PRDM16: variants seen among roughly 807,000 people sequenced by gnomAD.
PRDM16 encodes the protein histone-lysine N-methyltransferase PRDM16.
In PRDM16, 23 loss-of-function variants were observed where a neutral mutation model predicts 110.6. The observed-to-expected ratio is 0.21, with a 90% CI of 0.15 to 0.29. The LOEUF (loss-of-function observed/expected upper bound fraction) is 0.29. PRDM16 is among the 10% of genes least tolerant of loss of function. The pLI, the probability that PRDM16 is intolerant of heterozygous loss-of-function variation, is 1.00. For synonymous variants in PRDM16, 799 were observed against 781.8 expected (o/e 1.02, Z -0.37); for missense variants, 1,615 against 1,794.3 (o/e 0.90, Z 1.81).
intron 2 of PRDM16, among the ~76,000 whole-genome samples, chr1:3,192,802 A>C (rs1238956295): frequency 6.6e-6 from 1 of 152,190 alleles, no homozygotes; most frequent in Non-Finnish European, 1.5e-5. Context: ...ACCCAGAGAC[A>C]GACACACCCG....
At chr1:3,397,010 G>C (rs189422400) in intron 5 of PRDM16, among the ~76,000 whole-genome samples, 3 of 152,138 alleles carry the variant, frequency 2.0e-5, no homozygotes, top group African/African-American at 7.2e-5. Flanking sequence ...TTAAATGAAC[G>C]AACAAACAAA....
chr1:3,215,844 C>T (rs755296742), intron 2 of PRDM16, among the ~76,000 whole-genome samples: 3 of 152,156 alleles, frequency 2.0e-5, no homozygotes, highest in Non-Finnish European at 2.9e-5. Flanking sequence ...CAACAAGGGG[C>T]GCATTCTTCC....
At chr1:3,324,794 G>C (rs556783169) in intron 3 of PRDM16, among the ~76,000 whole-genome samples, 2 of 149,480 alleles carry the variant, frequency 1.3e-5, no homozygotes, top group African/African-American at 5.0e-5. Context: ...TCTCAAACTC[G>C]GCGAGTGAGC....
chr1:3,139,941 T>G (rs1446433081), intron 1 of PRDM16, among the ~76,000 whole-genome samples: 1 of 152,264 alleles, frequency 6.6e-6, no homozygotes, highest in African/African-American at 2.4e-5. Context: ...CCTTGAGCCC[T>G]GACAGCCCAC....
intron 2 of PRDM16, among the ~76,000 whole-genome samples, chr1:3,211,340 G>C (rs1252702611): frequency 1.3e-5 from 2 of 152,186 alleles, no homozygotes; most frequent in East Asian, 3.8e-4. Context: ...AGTCATTTCC[G>C]GGCAGCAGTG....
At chr1:3,170,668 G>T in intron 1 of PRDM16, among the ~76,000 whole-genome samples, 1 of 152,168 alleles carries the variant, frequency 6.6e-6, no homozygotes, top group East Asian at 1.9e-4. Context: ...GAGCCAGCCC[G>T]CCTCTGTGCC....
intron 3 of PRDM16, among the ~76,000 whole-genome samples, chr1:3,262,511 G>T (rs557857920): frequency 1.3e-5 from 2 of 152,326 alleles, no homozygotes; most frequent in South Asian, 4.1e-4. Context: ...GGCGTGGTTG[G>T]CCAGAGCCCC....
intron 3 of PRDM16, among the ~76,000 whole-genome samples, chr1:3,333,056 GTT>G (rs1642076345): frequency 6.6e-6 from 1 of 152,218 alleles, no homozygotes; most frequent in Non-Finnish European, 1.5e-5. Context: ...GAGTGTGCCT[GTT>G]TTTGTCTGAA....
intron 14 of PRDM16, among the ~76,000 whole-genome samples, chr1:3,426,606 ATACACACATG>A (rs1638613719): frequency 1.3e-5 from 2 of 152,218 alleles, no homozygotes; most frequent in African/African-American, 2.4e-5. Flanking sequence ...CTGCACCTTT[ATACACACATG>A]TACACACATA....
intron 2 of PRDM16, among the ~76,000 whole-genome samples, chr1:3,241,337 C>T (rs528246375): frequency 6.6e-6 from 1 of 152,366 alleles, no homozygotes; most frequent in East Asian, 1.9e-4. Context: ...CCACGCTGGG[C>T]TCCGGGGTGA....
intron 3 of PRDM16, among the ~76,000 whole-genome samples, chr1:3,345,646 G>A (rs768583834): frequency 2.6e-5 from 4 of 152,236 alleles, no homozygotes; most frequent in African/African-American, 4.8e-5. Context: ...GGTTCCAAAT[G>A]TGTCACCGGG....
At chr1:3,232,944 T>C (rs532127780) in intron 2 of PRDM16, among the ~76,000 whole-genome samples, 123 of 152,308 alleles carry the variant, frequency 8.1e-4, no homozygotes, top group African/African-American at 2.7e-3. Context: ...TATTAAGAAT[T>C]ACCTTAATAA....
At chr1:3,181,225 TACACACGGTCTTAC>T (rs1644166252) in intron 1 of PRDM16, among the ~76,000 whole-genome samples, 2 of 64,722 alleles carry the variant, frequency 3.1e-5, no homozygotes, top group African/African-American at 4.7e-5. Context: ...CACGCAGTCT[TACACACGGTCTTAC>T]ACACAGTCTT....
Position 3,209,798 on chromosome 1 carries a change from C to T in PRDM16, c.387+23324C>T, listed in dbSNP as rs1416579274. Reference sequence around the variant, plus strand: ...TGAGCACGACAGCCAGGACTTGGTCCAGCGTTTTCCAAACTGGCAGAACCC... The same window carrying T: ...TGAGCACGACAGCCAGGACTTGGTCTAGCGTTTTCCAAACTGGCAGAACCC... On this transcript the variant is annotated intron_variant, in intron 2 of 16. Transcript: ENST00000270722. This position sits in a 1 kb window ranked among gnomAD's most constrained non-coding sequence, Gnocchi z 4.6. 1.3e-5 allele frequency among the ~76,000 whole-genome samples: 2 copies of T among 152,160 alleles called. No individual in the cohort carries two copies. Among genetic ancestry groups the T allele is most frequent in the African/African-American group, 2.4e-5 (1 of 41,446 alleles).
In PRDM16 at chr1:3,437,258, C is replaced by T. The variant is rs1638933148; in HGVS notation, c.*3447C>T. 4.3e-6 allele frequency: 1 copy of T among 232,844 alleles called. No homozygotes were observed. The highest frequency in any genetic ancestry group is 2.2e-5 in the African/African-American group (1 of 45,324). 14.4% of individuals were successfully genotyped at this position (232,844 alleles called of 1,614,324 possible). On this transcript the variant is annotated 3_prime_UTR_variant, in exon 17 of 17. Coordinates refer to ENST00000270722, the MANE Select transcript of PRDM16 (RefSeq NM_022114.4). The stretch of plus-strand genomic sequence containing the variant: ...TCCAGACCCCGACTGGCCAAGACCT[C>T]CACGTCCCCAGAGTCCAGCCCTGGA...
At chr1:3,126,989 G>A (rs1054053281) in intron 1 of PRDM16, among the ~76,000 whole-genome samples, 1 of 152,206 alleles carries the variant, frequency 6.6e-6, no homozygotes, top group East Asian at 1.9e-4. Context: ...CATCGGCCCC[G>A]GACACAATTG....
chr1:3,378,022 G>A (rs777788134), intron 3 of PRDM16, among the ~76,000 whole-genome samples: 8 of 152,210 alleles, frequency 5.3e-5, no homozygotes, highest in Non-Finnish European at 1.0e-4. Flanking sequence ...GCTCCCAGAC[G>A]TGGCTGGATG....
chr1:3,199,911 C>T (rs1638576168), intron 2 of PRDM16, among the ~76,000 whole-genome samples: 1 of 152,248 alleles, frequency 6.6e-6, no homozygotes, highest in South Asian at 2.1e-4. Flanking sequence ...GACAGCTGTG[C>T]AGTGATCCCA....
At chr1:3,428,652 T>C (rs1572039) in intron 14 of PRDM16, among the ~76,000 whole-genome samples, 8,376 of 152,268 alleles carry the variant, frequency 0.055, 357 homozygotes, top group Non-Finnish European at 0.086. Context: ...TCCCTGGGCC[T>C]CCTGCAGAAC....
Sources: allele counts gnomAD v4.1 joint callset (sites outside exome capture counted in the v4.1 genomes callset), GRCh38; gene constraint gnomAD v4.1.1; non-coding constraint Gnocchi (gnomAD v3.1); transcripts MANE v1.5; gene names NCBI Gene and HGNC (gene_info 2026-07-23, HGNC 2026-07-21).